CTNNA3: variants seen among roughly 807,000 people sequenced by gnomAD.
The protein encoded by CTNNA3 is catenin alpha-3.
Under a neutral mutation model 95.7 loss-of-function variants are expected in CTNNA3, and 76 were observed. That is an observed-to-expected ratio of 0.79 (90% CI 0.66 to 0.96). CTNNA3 has a LOEUF of 0.96. CTNNA3 is among the 40% of genes least tolerant of loss of function. The pLI is 0.00. For missense variants in CTNNA3, 1,191 were observed against 1,089.8 expected, an observed-to-expected ratio of 1.09 and a Z score of -1.31; for synonymous variants, 431 against 374.4, an observed-to-expected ratio of 1.15 and a Z score of -1.74.
intron 1 of CTNNA3, among the ~76,000 whole-genome samples, chr10:67,727,073 G>A (rs1293037723): frequency 9.4e-6 from 1 of 105,946 alleles, no homozygotes; most frequent in Non-Finnish European, 1.7e-5. Context: ...TATAATATAT[G>A]ATACATATAT....
chr10:67,474,100 G>A (rs547125202), intron 5 of CTNNA3, among the ~76,000 whole-genome samples: 1 of 152,230 alleles, frequency 6.6e-6, no homozygotes, highest in South Asian at 2.1e-4. Context: ...ACAAATCATT[G>A]TAATTGGTCT....
intron 13 of CTNNA3, among the ~76,000 whole-genome samples, chr10:66,204,954 T>C (rs1341778923): frequency 1.3e-5 from 2 of 152,166 alleles, no homozygotes; most frequent in African/African-American, 2.4e-5. Context: ...ATCCACAGAA[T>C]TAAGCTAAGA....
At position 67,384,943 on chromosome 10, in the gene CTNNA3, C is replaced by T. The variant is rs548430021; in HGVS notation, c.579+136899G>A. On this transcript the variant is annotated intron_variant, in intron 5 of 17. Coordinates refer to ENST00000433211, the MANE Select transcript of CTNNA3 (RefSeq NM_013266.4). ...TTCTTTTCAATTATTTTTGATGCTA[C>T]TTTGTTGCTTCTTTCAATGTGAATG... 2.6e-5 allele frequency among the ~76,000 whole-genome samples: 4 copies of T among 152,068 alleles called. No homozygotes were observed. In the South Asian group the frequency reaches 8.3e-4, roughly 32 times the overall value.
intron 15 of CTNNA3, among the ~76,000 whole-genome samples, chr10:66,034,465 A>G (rs2079519699): frequency 2.0e-5 from 3 of 152,134 alleles, no homozygotes; most frequent in Admixed American, 2.0e-4. Context: ...CTCCAGTTCA[A>G]TTCTTCACCA....
chr10:66,002,039 C>T (rs2078780841), intron 15 of CTNNA3, among the ~76,000 whole-genome samples: 1 of 151,926 alleles, frequency 6.6e-6, no homozygotes, highest in African/African-American at 2.4e-5. Flanking sequence ...AGTATAACTT[C>T]CTAGGATTAT....
chr10:66,649,045 C>T (rs12262531), intron 9 of CTNNA3, among the ~76,000 whole-genome samples: 6 of 152,004 alleles, frequency 3.9e-5, no homozygotes, highest in Non-Finnish European at 8.8e-5. Context: ...AAAGTAGATT[C>T]ATAGGAAATG....
chr10:66,466,532 T>TC (rs1460780053), intron 11 of CTNNA3, among the ~76,000 whole-genome samples: 1 of 151,914 alleles, frequency 6.6e-6, no homozygotes, highest in African/African-American at 2.4e-5. Flanking sequence ...TACTACCATT[T>TC]CCCCCCTCAC....
At chr10:66,542,096 C>T (rs1226308555) in intron 10 of CTNNA3, among the ~76,000 whole-genome samples, 1 of 152,194 alleles carries the variant, frequency 6.6e-6, no homozygotes, top group East Asian at 1.9e-4. Context: ...ACAGACACTT[C>T]TCAAAAGAAG....
intron 1 of CTNNA3, among the ~76,000 whole-genome samples, chr10:67,745,302 A>G (rs1017440920): frequency 4.6e-5 from 7 of 152,158 alleles, no homozygotes; most frequent in Non-Finnish European, 8.8e-5. Flanking sequence ...AATTTGGCAC[A>G]TATACACCAT....
intron 5 of CTNNA3, among the ~76,000 whole-genome samples, chr10:67,220,359 C>A (rs1864595781): frequency 6.6e-6 from 1 of 152,198 alleles, no homozygotes; most frequent in African/African-American, 2.4e-5. Context: ...TAAATTAATC[C>A]TATATCATTC....
At chr10:66,717,524 C>T (rs1437666990) in intron 9 of CTNNA3, among the ~76,000 whole-genome samples, 1 of 152,228 alleles carries the variant, frequency 6.6e-6, no homozygotes, top group Non-Finnish European at 1.5e-5. Context: ...ACGTTCAATA[C>T]ATGTCTGTCA....
At chr10:66,889,915 C>T (rs1162038581) in intron 7 of CTNNA3, among the ~76,000 whole-genome samples, 2 of 151,834 alleles carry the variant, frequency 1.3e-5, no homozygotes, top group Non-Finnish European at 2.9e-5. Context: ...CTCAGCCTCC[C>T]AAGTAGTTGG....
At chr10:66,685,275 GTATA>G (rs1847227971) in intron 9 of CTNNA3, among the ~76,000 whole-genome samples, 2 of 57,614 alleles carry the variant, frequency 3.5e-5, no homozygotes, top group African/African-American at 2.1e-4. Flanking sequence ...GTATATATAC[GTATA>G]TATAAGTATA....
intron 13 of CTNNA3, among the ~76,000 whole-genome samples, chr10:66,251,665 G>A (rs2090557997): frequency 6.6e-6 from 1 of 152,008 alleles, no homozygotes; most frequent in Non-Finnish European, 1.5e-5. Context: ...TATAATAAAT[G>A]TTTCATGGTA....
intron 5 of CTNNA3, among the ~76,000 whole-genome samples, chr10:67,237,170 A>G (rs1865522443): frequency 7.5e-6 from 1 of 132,510 alleles, no homozygotes; most frequent in Admixed American, 7.6e-5. Flanking sequence ...ATATATATAT[A>G]TATACACACA....
intron 1 of CTNNA3, among the ~76,000 whole-genome samples, chr10:67,736,811 C>T (rs1841305493): frequency 6.6e-6 from 1 of 152,000 alleles, no homozygotes; most frequent in Admixed American, 6.6e-5. Flanking sequence ...ACTTAAGAGG[C>T]CTGACATTTA....
intron 2 of CTNNA3, among the ~76,000 whole-genome samples, chr10:67,643,289 TG>T (rs144531672): frequency 0.088 from 13,400 of 151,584 alleles, 1,371 homozygotes; most frequent in African/African-American, 0.25. Context: ...CATGGACTCA[TG>T]GGGGGAACAC....
chr10:67,155,715 T>C (rs1273165726), intron 7 of CTNNA3, among the ~76,000 whole-genome samples: 1 of 152,152 alleles, frequency 6.6e-6, no homozygotes, highest in African/African-American at 2.4e-5. Context: ...TTTTCTAGCA[T>C]AAAGTAAAAC....
At chr10:67,471,667 G>C (rs1249245800) in intron 5 of CTNNA3, among the ~76,000 whole-genome samples, 6 of 152,216 alleles carry the variant, frequency 3.9e-5, no homozygotes, top group African/African-American at 1.4e-4. Flanking sequence ...TTTGGTACAA[G>C]AGGGGCAAAG....
Sources: gnomAD v4.1 joint callset for allele counts (sites outside exome capture counted in the v4.1 genomes callset) on GRCh38, gnomAD v4.1.1 for gene constraint, MANE v1.5 for transcripts, NCBI Gene and HGNC (gene_info 2026-07-23, HGNC 2026-07-21) for gene names.